Variants in NPHP3 observed in about 807,000 individuals in gnomAD.
NPHP3 encodes the protein nephrocystin 3, also known as nephrocystin-3.
A neutral mutation model predicts 171.9 loss-of-function variants in NPHP3; 123 were observed. The observed-to-expected ratio is 0.72, with a 90% CI of 0.62 to 0.83. The LOEUF is 0.83. Ranked by LOEUF, NPHP3 falls within the 40% of genes least tolerant of loss-of-function variation. The pLI, the probability that NPHP3 is intolerant of heterozygous loss-of-function variation, is 0.00. For missense variants in NPHP3, 1,506 were observed against 1,591.9 expected (o/e 0.95, Z 0.92); for synonymous variants, 558 against 579.2 (o/e 0.96, Z 0.52).
Position 132,722,097 on chromosome 3 carries a change from C to G in NPHP3, c.259G>C (p.Ala87Pro). The G allele has an allele frequency of 1.9e-6, 3 of 1,609,194 alleles. No individual in the cohort carries two copies. The South Asian group carries it at 3.3e-5, about 18-fold the overall frequency. ...CTGAGCCGCTCGTACTCGGCCGCCG[C>G]GTACTCCAGCTCTGGCACCGACGAG... is the stretch of plus-strand genomic sequence containing the variant. ...TGSSVPELEY[A>P]AAEYERLRKE... is the part of the protein sequence containing the mutation. The change falls in exon 1 of 27, where the codon GCG becomes CCG. Residue 87 changes from alanine to proline, a missense_variant. Coordinates refer to ENST00000337331, the MANE Select transcript of NPHP3 (RefSeq NM_153240.5).
At position 132,682,045 on chromosome 3, in the gene NPHP3, C is replaced by T; in HGVS notation, c.3858G>A (p.Arg1286=). The change falls in exon 27 of 27, where the codon AGG becomes AGA. Residue 1286 remains arginine (R), a synonymous_variant. Transcript: ENST00000337331. ...TTTCTGCTTCTTTTATTTCCATTGC[C>T]CTTTTGTATAATTCAGCAGCTTTTT... ...DFEKAAELYK[R]AMEIKEAETS... 2 of 1,613,984 alleles carry T rather than the reference C, an allele frequency of 1.2e-6. No individual in the cohort carries two copies. The highest frequency in any genetic ancestry group is 1.7e-6 in the Non-Finnish European group (2 of 1,179,956).
At chr3:132,718,066 C>G (rs777724058) in intron 3 of NPHP3, 39 of 453,286 alleles carry the variant, frequency 8.6e-5, no homozygotes, top group Non-Finnish European at 1.5e-4. Flanking sequence ...CATTTTTTTT[C>G]CTTAAAAGTT....
chr3:132,715,153 T>G lies in NPHP3; in HGVS notation c.889A>C (p.Ser297Arg). ...VTPLFSHSLW[S>R]NTVRCYLIYT... is the part of the protein sequence containing the mutation. ...ATGAGGTAACATCTGACAGTGTTAC[T>G]CCACAGAGAATGTGAAAACAGAGGA... Residue 297 changes from serine (S) to arginine (R), a missense_variant, in exon 5 of 27, where the codon AGT (serine) becomes CGT (arginine). By Grantham distance (110) the Ser-to-Arg change is moderately radical. Transcript: ENST00000337331. 2 of 1,608,454 alleles carry G rather than the reference T, an allele frequency of 1.2e-6. No homozygotes were observed. The highest frequency in any genetic ancestry group is 1.3e-5 in the African/African-American group (1 of 74,922).
Position 132,682,733 on chromosome 3 carries a change from C to T in NPHP3, c.3782G>A (p.Gly1261Glu). ...DSLGRMHPRVGETLKNLAVLS... is the reference protein window; with the variant it reads ...DSLGRMHPRVEETLKNLAVLS... ...CACAGCTAAATTTTTCAGTGTTTCT[C>T]CAACTCGAGGATGCATCCGACCCAG... Residue 1261 changes from glycine (G) to glutamate (E), a missense_variant, in exon 26 of 27, where the codon GGA (glycine) becomes GAA (glutamate). Physicochemically the swap from Gly to Glu is moderately conservative, Grantham distance 98. Around this residue, in one of 3 missense-constraint regions of NPHP3, gnomAD observed 569 missense variants for 648.1 expected, o/e 0.88. Transcript: ENST00000337331. The T allele has an allele frequency of 1.9e-6, 3 of 1,612,820 alleles. No individual in the cohort carries two copies. The highest frequency in any genetic ancestry group is 2.5e-6 in the Non-Finnish European group (3 of 1,178,848).
intron 23 of NPHP3, 175 bp from the exon 24 acceptor site, chr3:132,684,969 T>G (rs981454465): frequency 1.5e-6 from 1 of 687,660 alleles, no homozygotes; most frequent in Non-Finnish European, 2.4e-6. Context: ...CTTCCTGCCC[T>G]TTTCCTGACA....
chr3:132,687,296 A>T, intron 21 of NPHP3, 70 bp from the exon 22 acceptor site: 1 of 732,522 alleles, frequency 1.4e-6, no homozygotes, highest in Non-Finnish European at 2.4e-6. Context: ...AAATGAAAGC[A>T]CTCTTTTCAT....
At chr3:132,685,911 C>T (rs1361730876) in intron 23 of NPHP3, 9 of 285,132 alleles carry the variant, frequency 3.2e-5, no homozygotes, top group Admixed American at 1.9e-4. Flanking sequence ...ATTAGTCGGG[C>T]GTGGTGGCAT....
chr3:132,720,559 A>C (rs11923081), intron 1 of NPHP3, among the ~76,000 whole-genome samples: 14,186 of 152,212 alleles, frequency 0.093, 843 homozygotes, highest in Middle Eastern at 0.14. Context: ...AAGGTTGCCC[A>C]GTAGGAAAAC....
chr3:132,702,698 A>G (rs1030628302), intron 9 of NPHP3, among the ~76,000 whole-genome samples: 6 of 152,348 alleles, frequency 3.9e-5, no homozygotes, highest in African/African-American at 1.4e-4. Flanking sequence ...TAGTTTTTCA[A>G]TCAATTTTTC....
chr3:132,684,945 C>A (rs1939118332), intron 23 of NPHP3, 151 bp from the exon 24 acceptor site: 3 of 877,270 alleles, frequency 3.4e-6, no homozygotes, highest in African/African-American at 1.7e-5. Flanking sequence ...TCCCCCTCTT[C>A]CCCACCCCTA....
Position 132,692,671 on chromosome 3 carries a change from TA to T in NPHP3, c.2457del (p.Arg820GlyfsTer11). The stretch of plus-strand genomic sequence containing the variant: ...AACATTACCTGCAGATGTTGAAACC[TA>T]AGCAAGCCACATCCATAAGTCAACA... Reference protein sequence around the residue: ...MCLLTYGCGLLRFQHLQAWET... With the variant: ...MCLLTYGCGLXRFQHLQAWET... On this transcript the variant is annotated frameshift_variant, in exon 17 of 27. Transcript: ENST00000337331. LOFTEE classifies it high-confidence loss of function. 6.2e-7 allele frequency: 1 copy of T among 1,613,682 alleles called. No individual in the cohort carries two copies. Among genetic ancestry groups the T allele is most frequent in the Non-Finnish European group, 8.5e-7 (1 of 1,179,740 alleles).
At chr3:132,684,511 C>G (rs141847983) in intron 24 of NPHP3, 43 bp downstream of exon 24, 1 of 1,609,258 alleles carries the variant, frequency 6.2e-7, no homozygotes, top group African/African-American at 1.3e-5. Flanking sequence ...TATGGCTTAA[C>G]TGATATGTTA....
intron 3 of NPHP3, chr3:132,717,937 G>A (rs1183189951): frequency 3.0e-6 from 1 of 329,946 alleles, no homozygotes; most frequent in Non-Finnish European, 5.8e-6. Context: ...TTTGTATTTA[G>A]TAGAGACGGG....
chr3:132,682,011 A>C lies in NPHP3; in HGVS notation c.3892T>G (p.Leu1298Val), dbSNP rs772264171. 1 of 1,614,064 alleles carries C rather than the reference A, an allele frequency of 6.2e-7. No individual in the cohort carries two copies. Among genetic ancestry groups the C allele is most frequent in the South Asian group, 1.1e-5 (1 of 91,082 alleles). ...MEIKEAETSL[L>V]GGKAPSRHSS... ...TGGCGTGAAGGAGCTTTTCCACCCA[A>C]GAGTGATGTTTCTGCTTCTTTTATT... Residue 1298 changes from leucine (L) to valine (V), a missense_variant, in exon 27 of 27, where the codon TTG becomes GTG. Physicochemically the swap from Leu to Val is conservative, Grantham distance 32. Around this residue, in one of 3 missense-constraint regions of NPHP3, gnomAD observed 569 missense variants for 648.1 expected, o/e 0.88. Transcript: ENST00000337331.
In NPHP3 at chr3:132,681,809, A is replaced by G; in HGVS notation, c.*101T>C. The stretch of plus-strand genomic sequence containing the variant: ...AATAGCAGTTAAATCACACGTAGTA[A>G]AATTTCGTACAACATTTTTTTAAAG... On this transcript the variant is annotated 3_prime_UTR_variant, in exon 27 of 27. Coordinates refer to ENST00000337331, the MANE Select transcript of NPHP3 (RefSeq NM_153240.5). 9.5e-7 allele frequency: 1 copy of G among 1,054,428 alleles called. No individual in the cohort carries two copies. The highest frequency in any genetic ancestry group is 1.5e-6 in the Non-Finnish European group (1 of 687,138). 65.3% of individuals were successfully genotyped at this position (1,054,428 alleles called of 1,614,324 possible). A position where few individuals can be genotyped will look rare whatever the true frequency, so the allele number is the denominator to read the frequency against.
chr3:132,694,041 G>A (rs1939379535), intron 16 of NPHP3, among the ~76,000 whole-genome samples: 2 of 151,960 alleles, frequency 1.3e-5, no homozygotes, highest in South Asian at 4.2e-4. Context: ...ATAAAAGGAG[G>A]TTTACCCAAG....
Position 132,686,310 on chromosome 3 carries a change from A to G in NPHP3, c.3279T>C (p.Ala1093=). Residue 1093 remains alanine (A), a synonymous_variant, in exon 23 of 27, where the codon GCT becomes GCC. Coordinates refer to ENST00000337331, the MANE Select transcript of NPHP3 (RefSeq NM_153240.5). ...LTLGKDTPDN[A]RTLNELGVLY... is the part of the protein sequence containing the mutation. ...GAACACCCAGTTCATTGAGGGTCCG[A>G]GCATTATCAGGTGTGTCCTTACCTA... 2 of 1,613,946 alleles carry G rather than the reference A, an allele frequency of 1.2e-6. No homozygotes were observed. Among genetic ancestry groups the G allele is most frequent in the Non-Finnish European group, 1.7e-6 (2 of 1,179,828 alleles).
chr3:132,722,314 T>G lies in NPHP3; in HGVS notation c.42A>C (p.Glu14Asp), dbSNP rs1212410558. ...CCGCCCCGTACGTGTCCTCGATCAC[T>G]TCCCCGCCCGCGGGGCTCACGAGCG... ...ASSLVSPAGG[E>D]VIEDTYGAGG... The change falls in exon 1 of 27, where the codon GAA becomes GAC. Residue 14 changes from glutamate to aspartate, a missense_variant. This residue lies in a region of NPHP3 where 930 missense variants were observed against 924.9 expected (regional missense o/e 1.01). Transcript: ENST00000337331. The G allele has an allele frequency of 6.3e-7, 1 of 1,581,332 alleles. No individual in the cohort carries two copies. Among genetic ancestry groups the G allele is most frequent in the Non-Finnish European group, 8.5e-7 (1 of 1,172,882 alleles).
At chr3:132,710,730 C>G (rs1241385664) in intron 6 of NPHP3, among the ~76,000 whole-genome samples, 2 of 152,106 alleles carry the variant, frequency 1.3e-5, no homozygotes, top group Non-Finnish European at 2.9e-5. Context: ...GATTTTTCTC[C>G]TTCCATGAAG....
Sources: allele counts gnomAD v4.1 joint callset (sites outside exome capture counted in the v4.1 genomes callset), GRCh38; gene constraint gnomAD v4.1.1; regional missense constraint gnomAD v4.1.1; transcripts MANE v1.5; gene names NCBI Gene and HGNC (gene_info 2026-07-23, HGNC 2026-07-21).